The following CC2D2A variants were observed in gnomAD, a reference collection of about 807,000 sequenced individuals.
CC2D2A encodes coiled-coil and C2 domain-containing protein 2A.
In CC2D2A, 155 loss-of-function variants were observed where a neutral mutation model predicts 212.9. The ratio of observed to expected loss-of-function variants is 0.73; its 90% CI spans 0.64 to 0.83. CC2D2A has a LOEUF of 0.83. Among genes scored for constraint, CC2D2A ranks in the 40% least tolerant of loss-of-function variants. The probability of loss-of-function intolerance (pLI) is 0.00; values close to 1 mark genes in which losing one functional copy is unlikely to be tolerated. For missense variants in CC2D2A, 1,856 were observed against 1,956.2 expected, an observed-to-expected ratio of 0.95 and a Z score of 0.97; for synonymous variants, 667 against 686.5, an observed-to-expected ratio of 0.97 and a Z score of 0.44.
chr4:15,550,789 G>A (rs1718957429), intron 17 of CC2D2A, 35 bp from the exon 18 acceptor site: 1 of 1,509,940 alleles, frequency 6.6e-7, no homozygotes, highest in Non-Finnish European at 9.0e-7. Context: ...CACTACTGCT[G>A]TTTTTATTGG....
intron 17 of CC2D2A, among the ~76,000 whole-genome samples, chr4:15,546,158 C>T (rs1402154815): frequency 1.3e-5 from 2 of 151,910 alleles, no homozygotes; most frequent in Non-Finnish European, 2.9e-5. Flanking sequence ...CTTCATGGGA[C>T]AGGGGAGTTG....
intron 16 of CC2D2A, among the ~76,000 whole-genome samples, chr4:15,538,504 A>T (rs1340115857): frequency 1.3e-5 from 2 of 152,086 alleles, no homozygotes; most frequent in Non-Finnish European, 2.9e-5. Flanking sequence ...CCTTCAGTCC[A>T]CTGGTAGCAT....
At chr4:15,502,316 T>C in intron 4 of CC2D2A, 113 bp from the exon 5 acceptor site, 1 of 794,250 alleles carries the variant, frequency 1.3e-6, no homozygotes, top group Non-Finnish European at 2.0e-6. Context: ...TCTTATTTCT[T>C]TTTTAATTTA....
chr4:15,560,500 A>G, intron 22 of CC2D2A, 31 bp from the exon 23 acceptor site: 2 of 1,162,344 alleles, frequency 1.7e-6, no homozygotes, highest in Non-Finnish European at 2.5e-6. Context: ...TTAAATAATA[A>G]CATTTTAAAT....
At chr4:15,484,173 A>G (rs1714865374) in intron 4 of CC2D2A, among the ~76,000 whole-genome samples, 1 of 152,228 alleles carries the variant, frequency 6.6e-6, no homozygotes, top group South Asian at 2.1e-4. Flanking sequence ...GCAGGACTGC[A>G]GTGGGAGTGA....
intron 4 of CC2D2A, among the ~76,000 whole-genome samples, chr4:15,502,166 A>G (rs1351701441): frequency 1.3e-5 from 2 of 152,260 alleles, no homozygotes; most frequent in Non-Finnish European, 2.9e-5. Flanking sequence ...TCAAGATGAC[A>G]GTGCTAGGCA....
intron 14 of CC2D2A, among the ~76,000 whole-genome samples, chr4:15,536,595 C>A (rs1007286054): frequency 2.6e-5 from 4 of 152,126 alleles, no homozygotes; most frequent in African/African-American, 9.7e-5. Flanking sequence ...TGAGAACTTA[C>A]AGGCCCCATG....
intron 1 of CC2D2A, 118 bp from the exon 2 acceptor site, chr4:15,475,797 G>A (rs1714172858): frequency 1.2e-6 from 1 of 816,244 alleles, no homozygotes. Context: ...TGAGTGGAAA[G>A]TCTACCCAGC....
intron 11 of CC2D2A, among the ~76,000 whole-genome samples, chr4:15,524,803 A>G (rs1363584480): frequency 6.6e-6 from 1 of 152,216 alleles, no homozygotes; most frequent in African/African-American, 2.4e-5. Context: ...GAGAACATCA[A>G]TAGATAATCC....
intron 13 of CC2D2A, among the ~76,000 whole-genome samples, chr4:15,532,591 G>A (rs527384814): frequency 1.3e-5 from 2 of 152,182 alleles, no homozygotes; most frequent in Non-Finnish European, 2.9e-5. Context: ...CAAAAATTTA[G>A]TAATTGTCTC....
chr4:15,478,304 C>T (rs1330664691), intron 2 of CC2D2A, among the ~76,000 whole-genome samples: 1 of 152,188 alleles, frequency 6.6e-6, no homozygotes, highest in Admixed American at 6.5e-5. Flanking sequence ...AAAAACTTAA[C>T]CGGTGAAATC....
At chr4:15,566,286 G>A (rs191422923) in intron 24 of CC2D2A, among the ~76,000 whole-genome samples, 388 of 152,244 alleles carry the variant, frequency 2.5e-3, no homozygotes, top group Non-Finnish European at 4.5e-3. Context: ...GGCTTGGCAG[G>A]CCCCAGGAGA....
intron 23 of CC2D2A, among the ~76,000 whole-genome samples, chr4:15,562,651 C>G (rs549547621): frequency 6.6e-6 from 1 of 152,360 alleles, no homozygotes; most frequent in Admixed American, 6.5e-5. Flanking sequence ...GGGTGCTTTA[C>G]ACACACTTCC....
chr4:15,516,440 A>G (rs1009130815), intron 10 of CC2D2A, among the ~76,000 whole-genome samples, 185 bp from the exon 11 acceptor site: 1 of 152,174 alleles, frequency 6.6e-6, no homozygotes, highest in Admixed American at 6.5e-5. Flanking sequence ...TTTTAAATCA[A>G]TTGTGAGAAG....
At chr4:15,485,398 A>G (rs1332187069) in intron 4 of CC2D2A, among the ~76,000 whole-genome samples, 6 of 152,218 alleles carry the variant, frequency 3.9e-5, no homozygotes, top group African/African-American at 1.2e-4. Context: ...ACTTAGGTTA[A>G]TTCCGTATCT....
chr4:15,470,689 CTATATATATATATATATATATA>C (rs199958992), intron 1 of CC2D2A, among the ~76,000 whole-genome samples: 3,043 of 50,394 alleles, frequency 0.06, 62 homozygotes, highest in Non-Finnish European at 0.086. Flanking sequence ...CTCTCTCTCT[CTATATATATATATATATATATA>C]TATATATATA....
chr4:15,595,249 T>C (rs1382352860), intron 33 of CC2D2A, among the ~76,000 whole-genome samples: 3 of 152,204 alleles, frequency 2.0e-5, no homozygotes, highest in Non-Finnish European at 4.4e-5. Context: ...ATGGACAAAT[T>C]CATGTATATA....
At chr4:15,574,772 A>T (rs1374831889) in intron 29 of CC2D2A, among the ~76,000 whole-genome samples, 2 of 152,228 alleles carry the variant, frequency 1.3e-5, no homozygotes, top group African/African-American at 4.8e-5. Context: ...TAGGATCATA[A>T]GACTAGATGA....
rs562940956 is a variant in CC2D2A, at chr4:15,477,913, T to A, written c.40-810T>A. Among the ~76,000 whole-genome samples the A allele has an allele frequency of 8.5e-5, 13 of 152,332 alleles. No homozygotes were observed. The South Asian group carries it at 2.5e-3, about 29-fold the overall frequency. ...TTATATATCCTTAAAATTCATACTT[T>A]GTGTTCCGAATTTGTTTCAGTATAA... On this transcript the variant is annotated intron_variant, in intron 2 of 36. Transcript: ENST00000424120.
Sources: allele counts gnomAD v4.1 joint callset (sites outside exome capture counted in the v4.1 genomes callset), GRCh38; gene constraint gnomAD v4.1.1; transcripts MANE v1.5; gene names NCBI Gene and HGNC (gene_info 2026-07-23, HGNC 2026-07-21).